EYS: variants seen among roughly 807,000 people sequenced by gnomAD.
EYS encodes the protein protein eyes shut homolog.
A neutral mutation model predicts 282.1 loss-of-function variants in EYS; 250 were observed. That is an observed-to-expected ratio of 0.89 (90% CI 0.80 to 0.98). EYS has a LOEUF of 0.98. Ranked by LOEUF, EYS falls within the 50% of genes least tolerant of loss-of-function variation. The probability of loss-of-function intolerance (pLI) is 0.00; values close to 1 mark genes in which losing one functional copy is unlikely to be tolerated. For missense variants in EYS, 4,016 were observed against 3,709.0 expected (o/e 1.08, Z -2.15); for synonymous variants, 1,355 against 1,282.9 (o/e 1.06, Z -1.20).
At chr6:64,207,790 T>C (rs1765653494) in intron 31 of EYS, among the ~76,000 whole-genome samples, 1 of 152,132 alleles carries the variant, frequency 6.6e-6, no homozygotes, top group African/African-American at 2.4e-5. Flanking sequence ...CCCAAGTACC[T>C]GGGATTACAG....
At chr6:63,959,366 A>G (rs542169704) in intron 35 of EYS, among the ~76,000 whole-genome samples, 1 of 152,254 alleles carries the variant, frequency 6.6e-6, no homozygotes, top group African/African-American at 2.4e-5. Context: ...GAAACAATAG[A>G]TGCTGGTGAG....
rs114183999 is a variant in EYS at position 65,129,113 on chromosome 6, T to C, written c.2024-71386A>G. On this transcript the variant is annotated intron_variant, in intron 12 of 42. Transcript: ENST00000503581. ...GTGCTGAGATAACTGGCTATCCATA[T>C]GCAGAAGAGTGAAGTTGGACCCCCT... Among the ~76,000 whole-genome samples the C allele has an allele frequency of 1.9e-3, 296 of 152,174 alleles. 1 individual carries two copies. The highest frequency in any genetic ancestry group is 6.9e-3 in the African/African-American group (287 of 41,562).
intron 30 of EYS, among the ~76,000 whole-genome samples, chr6:64,288,914 A>G (rs924640538): frequency 5.3e-5 from 8 of 152,064 alleles, no homozygotes; most frequent in Non-Finnish European, 1.0e-4. Flanking sequence ...ATTTTTGCCA[A>G]CACTGACTTG....
chr6:64,629,643 A>G (rs80057837), intron 22 of EYS, among the ~76,000 whole-genome samples: 1,653 of 152,150 alleles, frequency 0.011, 32 homozygotes, highest in African/African-American at 0.037. Context: ...TCTAAGTGGT[A>G]TATTTGTTTT....
intron 35 of EYS, among the ~76,000 whole-genome samples, chr6:63,880,995 A>G (rs1773117605): frequency 6.6e-6 from 1 of 151,674 alleles, no homozygotes; most frequent in Non-Finnish European, 1.5e-5. Context: ...AAAGGCATTT[A>G]TACCTAGTTA....
At chr6:64,393,062 T>A (rs7748138) in intron 28 of EYS, among the ~76,000 whole-genome samples, 2 of 151,906 alleles carry the variant, frequency 1.3e-5, no homozygotes, top group East Asian at 3.9e-4. Context: ...ACACATACAC[T>A]CTCCCAAGAC....
intron 33 of EYS, among the ~76,000 whole-genome samples, chr6:64,063,920 G>A (rs1771271722): frequency 1.3e-5 from 2 of 152,066 alleles, no homozygotes. Context: ...TAGAGATGGG[G>A]TTTCACCATG....
At chr6:65,086,666 A>C (rs1774385993) in intron 12 of EYS, among the ~76,000 whole-genome samples, 1 of 152,320 alleles carries the variant, frequency 6.6e-6, no homozygotes, top group Admixed American at 6.5e-5. Flanking sequence ...CAGTGGAATT[A>C]GTTCACAGAA....
chr6:64,550,983 C>T (rs1765057452), intron 26 of EYS, among the ~76,000 whole-genome samples: 1 of 151,878 alleles, frequency 6.6e-6, no homozygotes, highest in Admixed American at 6.6e-5. Flanking sequence ...CTTGAACTGG[C>T]CAGAAACAGA....
intron 37 of EYS, among the ~76,000 whole-genome samples, chr6:63,798,997 A>ATGTATATGTG (rs1229547856): frequency 2.3e-5 from 3 of 132,192 alleles, no homozygotes; most frequent in African/African-American, 9.6e-5. Flanking sequence ...GTATATATAT[A>ATGTATATGTG]TATATATATA....
chr6:65,587,434 C>A (rs750299075), intron 2 of EYS, among the ~76,000 whole-genome samples: 1 of 152,046 alleles, frequency 6.6e-6, no homozygotes, highest in Non-Finnish European at 1.5e-5. Flanking sequence ...TGAGAAAGTT[C>A]TCATGAGATC....
At chr6:64,870,427 CAA>C (rs200730166) in intron 19 of EYS, among the ~76,000 whole-genome samples, 1 of 112,026 alleles carries the variant, frequency 8.9e-6, no homozygotes, top group Non-Finnish European at 1.9e-5. Context: ...CTCCCCCCTC[CAA>C]AAAAAAAAAA....
intron 5 of EYS, among the ~76,000 whole-genome samples, chr6:65,481,754 G>A (rs1178243084): frequency 2.6e-5 from 4 of 151,802 alleles, no homozygotes; most frequent in Non-Finnish European, 5.9e-5. Flanking sequence ...ATTTTTTTAG[G>A]AGAGATGGGA....
At chr6:64,078,996 A>G (rs1273555502) in intron 32 of EYS, among the ~76,000 whole-genome samples, 1 of 152,110 alleles carries the variant, frequency 6.6e-6, no homozygotes, top group African/African-American at 2.4e-5. Flanking sequence ...TGGTAGAAAT[A>G]AATTTTCCCC....
chr6:64,512,374 T>C (rs188511348), intron 26 of EYS, among the ~76,000 whole-genome samples: 28 of 152,060 alleles, frequency 1.8e-4, no homozygotes, highest in Middle Eastern at 3.4e-3. Flanking sequence ...ATTTCATAGG[T>C]AGGCAATAAA....
At chr6:64,241,731 G>A (rs1422656160) in intron 30 of EYS, among the ~76,000 whole-genome samples, 1 of 151,222 alleles carries the variant, frequency 6.6e-6, no homozygotes, top group African/African-American at 2.4e-5. Flanking sequence ...CTTGTCTTCT[G>A]CTAGCTTTTG....
intron 8 of EYS, among the ~76,000 whole-genome samples, chr6:65,354,403 A>G (rs993602355): frequency 6.6e-6 from 1 of 152,114 alleles, no homozygotes; most frequent in African/African-American, 2.4e-5. Flanking sequence ...CATTAATGAA[A>G]TTACTACACT....
intron 31 of EYS, among the ~76,000 whole-genome samples, chr6:64,221,609 T>C (rs1025923632): frequency 3.3e-5 from 5 of 152,152 alleles, no homozygotes; most frequent in South Asian, 2.1e-4. Flanking sequence ...TTTTCTGTTT[T>C]GCTTTCCTCA....
At chr6:65,004,673 G>A (rs972853649) in intron 13 of EYS, among the ~76,000 whole-genome samples, 1 of 147,704 alleles carries the variant, frequency 6.8e-6, no homozygotes, top group Non-Finnish European at 1.5e-5. Flanking sequence ...AAGAATCAAA[G>A]TGCCAATGCT....
Sources: gnomAD v4.1 joint callset for allele counts (sites outside exome capture counted in the v4.1 genomes callset) on GRCh38, gnomAD v4.1.1 for gene constraint, MANE v1.5 for transcripts, NCBI Gene and HGNC (gene_info 2026-07-23, HGNC 2026-07-21) for gene names.